Variants in NKD1 observed in about 807,000 individuals in gnomAD.
NKD1 encodes the protein NKD inhibitor of Wnt signaling pathway 1.
Under a neutral mutation model 56.0 loss-of-function variants are expected in NKD1, and 21 were observed. That is an observed-to-expected ratio of 0.38 (90% confidence interval 0.27 to 0.54). The LOEUF is 0.54. NKD1 is among the 20% of genes least tolerant of loss of function. The pLI is 0.82. For synonymous variants in NKD1, 263 were observed against 265.7 expected, an observed-to-expected ratio of 0.99 and a Z score of 0.10; for missense variants, 578 against 642.7, an observed-to-expected ratio of 0.90 and a Z score of 1.09.
chr16:50,637,449 T>TCTCAGCTA lies in NKD1; in HGVS notation c.*3672_*3679dup, dbSNP rs912641454. The TCTCAGCTA allele has an allele frequency of 7.2e-5, 11 of 152,128 alleles. No homozygotes were observed. The highest frequency in any genetic ancestry group is 2.7e-4 in the African/African-American group (11 of 41,406). 9.4% of individuals were successfully genotyped at this position (152,128 alleles called of 1,614,324 possible). Reference sequence around the variant, plus strand: ...TGGGCATGGTGGTGCGTGCCTGTAATCTCAGCTACTCGGGAGGCCAAGGCA... The same window carrying TCTCAGCTA: ...TGGGCATGGTGGTGCGTGCCTGTAATCTCAGCTACTCAGCTACTCGGGAGGCCAAGGCA... On this transcript the variant is annotated 3_prime_UTR_variant, in exon 10 of 10. Transcript: ENST00000268459.
intron 3 of NKD1, chr16:50,575,009 A>G: frequency 7.1e-6 from 7 of 985,326 alleles, no homozygotes; most frequent in Non-Finnish European, 8.4e-6. Context: ...GCTTGATTTA[A>G]TACAGCTTGA....
chr16:50,625,013 A>G (rs1414507321), intron 5 of NKD1, among the ~76,000 whole-genome samples: 1 of 152,144 alleles, frequency 6.6e-6, no homozygotes, highest in Non-Finnish European at 1.5e-5. Flanking sequence ...GAGGGCAGTG[A>G]CATGCCCAGG....
rs903371775 is a variant in NKD1 at position 50,636,270 on chromosome 16, C to T, written c.*2489C>T. On this transcript the variant is annotated 3_prime_UTR_variant, in exon 10 of 10. Transcript: ENST00000268459. ...ATTGCTGCAACCCTGGAGGCCAGCC[C>T]GGAGTTGAGACTACTGGTTTTAGAG... The T allele has an allele frequency of 6.6e-6, 1 of 152,154 alleles. No individual in the cohort carries two copies. Among genetic ancestry groups the T allele is most frequent in the Admixed American group, 6.5e-5 (1 of 15,268 alleles). 9.4% of individuals were successfully genotyped at this position (152,154 alleles called of 1,614,324 possible).
At chr16:50,570,395 C>G (rs188980099) in intron 3 of NKD1, among the ~76,000 whole-genome samples, 1 of 151,920 alleles carries the variant, frequency 6.6e-6, no homozygotes, top group Admixed American at 6.6e-5. Flanking sequence ...CACAGAATAC[C>G]TGTGATATTA....
At chr16:50,595,766 A>C (rs535384797) in intron 3 of NKD1, among the ~76,000 whole-genome samples, 1 of 152,172 alleles carries the variant, frequency 6.6e-6, no homozygotes, top group East Asian at 1.9e-4. Context: ...AGTGGCCTCA[A>C]ACCTTCCATG....
At position 50,634,997 on chromosome 16, in the gene NKD1, A is replaced by G. The variant is rs1331194443; in HGVS notation, c.*1216A>G. 1 of 152,204 alleles carries G rather than the reference A, an allele frequency of 6.6e-6. No homozygotes were observed. Among genetic ancestry groups the G allele is most frequent in the African/African-American group, 2.4e-5 (1 of 41,460 alleles). 9.4% of individuals were successfully genotyped at this position (152,204 alleles called of 1,614,324 possible). On this transcript the variant is annotated 3_prime_UTR_variant, in exon 10 of 10. Coordinates refer to ENST00000268459, the MANE Select transcript of NKD1 (RefSeq NM_033119.5). ...CTGGCCAGAGCCTGGAGAAACCTGA[A>G]AAAGAACCAGTCAGCTAGCCAGGGT...
chr16:50,575,492 C>T, intron 3 of NKD1: 1 of 363,642 alleles, frequency 2.7e-6, no homozygotes, highest in Non-Finnish European at 3.8e-6. Context: ...ATATTCCCCC[C>T]AGAAATAACG....
At chr16:50,548,622 T>TCGCCGC (rs969657518) in intron 1 of NKD1, 44 bp downstream of exon 1, 11 of 1,441,452 alleles carry the variant, frequency 7.6e-6, no homozygotes, top group Non-Finnish European at 9.0e-6. Context: ...CCCGCCGCCG[T>TCGCCGC]CGCCGCCGCG....
chr16:50,621,730 G>A (rs1383513045), intron 5 of NKD1, 22 bp downstream of exon 5: 1 of 1,577,514 alleles, frequency 6.3e-7, no homozygotes, highest in Non-Finnish European at 8.7e-7. Context: ...TTTGGTGCTG[G>A]GTCCTGAGGA....
chr16:50,554,653 G>A (rs952875066), intron 3 of NKD1, among the ~76,000 whole-genome samples: 1 of 151,926 alleles, frequency 6.6e-6, no homozygotes. Flanking sequence ...TTATTTTTTA[G>A]ACACATAGTT....
chr16:50,620,984 A>C (rs948232577), intron 4 of NKD1, among the ~76,000 whole-genome samples: 1 of 152,108 alleles, frequency 6.6e-6, no homozygotes, highest in Non-Finnish European at 1.5e-5. Flanking sequence ...GTGAGTGTGC[A>C]TATGTGTGCA....
At chr16:50,585,722 T>C (rs1191921540) in intron 3 of NKD1, among the ~76,000 whole-genome samples, 1 of 152,232 alleles carries the variant, frequency 6.6e-6, no homozygotes, top group African/African-American at 2.4e-5. Context: ...GACACTGTGC[T>C]CTGTGACACT....
intron 3 of NKD1, among the ~76,000 whole-genome samples, chr16:50,578,735 C>T (rs149709181): frequency 7.6e-4 from 116 of 152,186 alleles, no homozygotes; most frequent in African/African-American, 2.7e-3. Flanking sequence ...CTTCTGCAGC[C>T]TGTAGTTCTC....
chr16:50,630,810 C>T lies in NKD1; in HGVS notation c.611-16C>T. The T allele has an allele frequency of 1.3e-6, 2 of 1,577,716 alleles. No individual in the cohort carries two copies. The highest frequency in any genetic ancestry group is 1.7e-6 in the Non-Finnish European group (2 of 1,162,506). ...AGCTCACCTGGTGTCTCCTGTGCTTCTCGGGCCGGACTCAGACCTGCAGAG... is the reference window on the plus strand; with the variant it reads ...AGCTCACCTGGTGTCTCCTGTGCTTTTCGGGCCGGACTCAGACCTGCAGAG... On this transcript the variant is annotated splice_polypyrimidine_tract_variant and intron_variant, in intron 7 of 9. Transcript: ENST00000268459.
At chr16:50,566,356 A>G in intron 3 of NKD1, 1 of 183,362 alleles carries the variant, frequency 5.5e-6, no homozygotes, top group Non-Finnish European at 1.0e-5. Flanking sequence ...TTCCCAGGTA[A>G]TGGCAACTTG....
At chr16:50,590,945 G>C (rs992758335) in intron 3 of NKD1, among the ~76,000 whole-genome samples, 54 of 152,116 alleles carry the variant, frequency 3.5e-4, no homozygotes, top group Non-Finnish European at 5.9e-5. Flanking sequence ...AGCTTCCTGA[G>C]TAGCTGGTAG....
rs60823148 is a variant in NKD1, at chr16:50,621,492, C to G, written c.260-110C>G. ...ATGGGCAGGGCAGGAGCGGGCCCAG[C>G]CCCCTGGCGAGAATGTCCAGGCCAG... On this transcript the variant is annotated intron_variant, in intron 4 of 9. Transcript: ENST00000268459. The G allele has an allele frequency of 4.3e-6, 3 of 704,752 alleles. No individual in the cohort carries two copies. In the Admixed American group the frequency reaches 7.7e-5, roughly 18 times the overall value. The allele number at this position is 704,752 out of a possible 1,614,324, so 43.7% of individuals were successfully genotyped here. A position where few individuals can be genotyped will look rare whatever the true frequency, so the allele number is the denominator to read the frequency against.
At chr16:50,579,504 C>A (rs113587919) in intron 3 of NKD1, among the ~76,000 whole-genome samples, 2 of 122,238 alleles carry the variant, frequency 1.6e-5, no homozygotes, top group African/African-American at 3.5e-5. Context: ...CACTCTAACC[C>A]GCCACGCATG....
At chr16:50,615,705 G>A (rs1455031664) in intron 4 of NKD1, among the ~76,000 whole-genome samples, 1 of 152,208 alleles carries the variant, frequency 6.6e-6, no homozygotes, top group Non-Finnish European at 1.5e-5. Flanking sequence ...CAGGGAAACG[G>A]CATAATCAGT....
Sources: allele counts gnomAD v4.1 joint callset (sites outside exome capture counted in the v4.1 genomes callset), GRCh38; gene constraint gnomAD v4.1.1; transcripts MANE v1.5; gene names NCBI Gene and HGNC (gene_info 2026-07-23, HGNC 2026-07-21).